RPTOR: variants seen among roughly 807,000 people sequenced by gnomAD.
The protein encoded by RPTOR is regulatory-associated protein of mTOR.
In RPTOR, 21 loss-of-function variants were observed where a neutral mutation model predicts 169.9. The ratio of observed to expected loss-of-function variants is 0.12; its 90% CI spans 0.09 to 0.18. RPTOR has a LOEUF of 0.18. RPTOR is among the 10% of genes least tolerant of loss of function. The probability of loss-of-function intolerance (pLI) is 1.00; values close to 1 mark genes in which losing one functional copy is unlikely to be tolerated. For synonymous variants in RPTOR, 732 were observed against 753.2 expected, an observed-to-expected ratio of 0.97 and a Z score of 0.46; for missense variants, 1,133 against 1,855.9, an observed-to-expected ratio of 0.61 and a Z score of 7.16.
intron 3 of RPTOR, among the ~76,000 whole-genome samples, chr17:80,698,656 A>G (rs1158031391): frequency 6.6e-6 from 1 of 152,208 alleles, no homozygotes; most frequent in Non-Finnish European, 1.5e-5. Flanking sequence ...GTTTGGAAAG[A>G]TTTCTATAGA....
intron 7 of RPTOR, chr17:80,801,829 C>A (rs1407752307): frequency 1.3e-5 from 2 of 152,152 alleles, no homozygotes; most frequent in Non-Finnish European, 2.9e-5. Context: ...GAGTGATTGG[C>A]GGAAACGGGG....
chr17:80,595,249 T>A (rs1196806136), intron 1 of RPTOR, among the ~76,000 whole-genome samples: 1 of 152,208 alleles, frequency 6.6e-6, no homozygotes, highest in Non-Finnish European at 1.5e-5. Flanking sequence ...TTTCTGATTG[T>A]TTACAAGGAA....
At chr17:80,701,971 G>A (rs986188172) in intron 3 of RPTOR, among the ~76,000 whole-genome samples, 14 of 152,106 alleles carry the variant, frequency 9.2e-5, no homozygotes, top group African/African-American at 2.7e-4. Context: ...GGACCATGCC[G>A]CCACGAGGGC....
At chr17:80,658,454 T>C (rs567431736) in intron 3 of RPTOR, among the ~76,000 whole-genome samples, 119 of 152,352 alleles carry the variant, frequency 7.8e-4, no homozygotes, top group Non-Finnish European at 1.3e-3. Context: ...TCACACTGAC[T>C]GTAAGTCTTA....
chr17:80,871,947 G>A lies in RPTOR; in HGVS notation c.1510-8468G>A, dbSNP rs188989860. Among the ~76,000 whole-genome samples, 1,425 of 152,288 alleles carry A rather than the reference G, an allele frequency of 9.4e-3. 7 individuals are homozygous for A. The highest frequency in any genetic ancestry group is 0.01 in the Non-Finnish European group (700 of 68,030). ...TTAGGGACCCTTCAGGAGTAGTCAG[G>A]AACGCGCCTGTGCCCACAGTTGGGT... is the stretch of plus-strand genomic sequence containing the variant. On this transcript the variant is annotated intron_variant, in intron 13 of 33. Coordinates refer to ENST00000306801, the MANE Select transcript of RPTOR (RefSeq NM_020761.3).
intron 1 of RPTOR, among the ~76,000 whole-genome samples, chr17:80,567,114 A>C (rs1355442493): frequency 6.6e-6 from 1 of 151,544 alleles, no homozygotes; most frequent in East Asian, 2.0e-4. Context: ...GGGATTACAG[A>C]TGCATGCCAC....
intron 1 of RPTOR, among the ~76,000 whole-genome samples, chr17:80,572,570 A>G (rs2064918728): frequency 1.3e-5 from 2 of 152,070 alleles, no homozygotes; most frequent in African/African-American, 4.8e-5. Context: ...CAAACAAACA[A>G]AAAAAGTAGC....
intron 9 of RPTOR, among the ~76,000 whole-genome samples, chr17:80,835,455 G>C (rs765755998): frequency 6.6e-6 from 1 of 152,104 alleles, no homozygotes; most frequent in South Asian, 2.1e-4. Flanking sequence ...ATCATCACTC[G>C]GTTTCCACAA....
chr17:80,846,297 G>T (rs1348398423), intron 10 of RPTOR, among the ~76,000 whole-genome samples, 176 bp from the exon 11 acceptor site: 15 of 152,264 alleles, frequency 9.9e-5, no homozygotes, highest in Non-Finnish European at 1.5e-5. Context: ...GCACCCCGCA[G>T]GCTCTCCCTC....
intron 6 of RPTOR, chr17:80,774,036 C>G: frequency 1.0e-6 from 1 of 985,422 alleles, no homozygotes; most frequent in Non-Finnish European, 1.2e-6. Flanking sequence ...AACCATCACT[C>G]CCTGTTTTTC....
At chr17:80,600,930 C>T (rs940618341) in intron 1 of RPTOR, among the ~76,000 whole-genome samples, 1 of 117,892 alleles carries the variant, frequency 8.5e-6, no homozygotes, top group Non-Finnish European at 1.9e-5. Flanking sequence ...TCCCGCCGCA[C>T]GTGCCCTCTC....
chr17:80,902,972 A>G (rs2068495216), intron 20 of RPTOR, among the ~76,000 whole-genome samples: 1 of 152,248 alleles, frequency 6.6e-6, no homozygotes, highest in Admixed American at 6.5e-5. Flanking sequence ...AAACAGCCTC[A>G]TCCCGAGAGC....
In RPTOR at chr17:80,966,052, G is replaced by A. The variant is rs907091053; in HGVS notation, c.*1722G>A. 5.2e-5 allele frequency: 12 copies of A among 232,254 alleles called. No homozygotes were observed. Among genetic ancestry groups the A allele is most frequent in the East Asian group, 2.4e-4 (4 of 16,462 alleles). 14.4% of individuals were successfully genotyped at this position (232,254 alleles called of 1,614,324 possible). A position where few individuals can be genotyped will look rare whatever the true frequency, so the allele number is the denominator to read the frequency against. Reference sequence around the variant, plus strand: ...TCAACTCAATTCTTACCCAACACGCGTTTCTGTTTGTTTTGAGACAAAATC... The same window carrying A: ...TCAACTCAATTCTTACCCAACACGCATTTCTGTTTGTTTTGAGACAAAATC... On this transcript the variant is annotated 3_prime_UTR_variant, in exon 34 of 34. Transcript: ENST00000306801.
intron 5 of RPTOR, among the ~76,000 whole-genome samples, chr17:80,751,276 G>A (rs1007053101): frequency 5.3e-5 from 8 of 152,136 alleles, no homozygotes; most frequent in Non-Finnish European, 7.3e-5. Context: ...GATTCAGAAG[G>A]ACCCAGATGG....
chr17:80,560,686 C>T (rs896460706), intron 1 of RPTOR, among the ~76,000 whole-genome samples: 5 of 152,122 alleles, frequency 3.3e-5, no homozygotes, highest in African/African-American at 1.2e-4. Flanking sequence ...AGGGGCCTTC[C>T]CTTGTGCTGT....
At chr17:80,877,718 A>T (rs974498536) in intron 13 of RPTOR, among the ~76,000 whole-genome samples, 1 of 152,110 alleles carries the variant, frequency 6.6e-6, no homozygotes, top group Non-Finnish European at 1.5e-5. Context: ...ACGGCGGTCG[A>T]TGCATCTCAG....
intron 3 of RPTOR, among the ~76,000 whole-genome samples, chr17:80,671,471 G>A (rs1426828284): frequency 6.6e-6 from 1 of 152,144 alleles, no homozygotes; most frequent in Non-Finnish European, 1.5e-5. Flanking sequence ...TGCCCTCTCT[G>A]TCAATAGTGC....
At chr17:80,681,282 A>C (rs968450901) in intron 3 of RPTOR, among the ~76,000 whole-genome samples, 1 of 152,194 alleles carries the variant, frequency 6.6e-6, no homozygotes. Flanking sequence ...GAGTCACCTG[A>C]AACTAAATAA....
At chr17:80,794,933 G>A (rs78230665) in intron 7 of RPTOR, among the ~76,000 whole-genome samples, 54 of 152,300 alleles carry the variant, frequency 3.5e-4, no homozygotes, top group African/African-American at 9.9e-4. Flanking sequence ...AGGGGCTAGC[G>A]GGAGGGGCCT....
Sources: allele counts gnomAD v4.1 joint callset (sites outside exome capture counted in the v4.1 genomes callset), GRCh38; gene constraint gnomAD v4.1.1; transcripts MANE v1.5; gene names NCBI Gene and HGNC (gene_info 2026-07-23, HGNC 2026-07-21).